The following RBFOX3 variants were observed in gnomAD, a reference collection of about 807,000 sequenced individuals.
RBFOX3 encodes the protein RNA binding fox-1 homolog 3.
In RBFOX3, 17 loss-of-function variants were observed where a neutral mutation model predicts 48.7. That is an observed-to-expected ratio of 0.35 (90% CI 0.24 to 0.52). The LOEUF (loss-of-function observed/expected upper bound fraction) is 0.52. Among genes scored for constraint, RBFOX3 ranks in the 20% least tolerant of loss-of-function variants. RBFOX3 has a pLI of 0.94. For missense variants in RBFOX3, 382 were observed against 497.5 expected (o/e 0.77, Z 2.21); for synonymous variants, 212 against 209.5 (o/e 1.01, Z -0.10).
intron 2 of RBFOX3, among the ~76,000 whole-genome samples, chr17:79,378,604 G>A (rs1161659054): frequency 6.6e-6 from 1 of 152,168 alleles, no homozygotes; most frequent in Non-Finnish European, 1.5e-5. Context: ...GAACCTCCCA[G>A]GTGCTGGGGC....
intron 2 of RBFOX3, among the ~76,000 whole-genome samples, chr17:79,458,066 G>A (rs1047779560): frequency 6.6e-6 from 1 of 151,348 alleles, no homozygotes; most frequent in African/African-American, 2.4e-5. Flanking sequence ...TTGCAGGGCG[G>A]GGGACCCGGG....
intron 4 of RBFOX3, among the ~76,000 whole-genome samples, chr17:79,176,405 G>A (rs1438300727): frequency 2.0e-5 from 3 of 152,340 alleles, no homozygotes; most frequent in South Asian, 4.1e-4. Context: ...AGGGCCCATG[G>A]CATGAGCCCA....
At chr17:79,589,297 G>T (rs1335924604) in intron 1 of RBFOX3, among the ~76,000 whole-genome samples, 2 of 53,820 alleles carry the variant, frequency 3.7e-5, no homozygotes, top group Admixed American at 1.7e-4. Flanking sequence ...TCCGCCCCAG[G>T]GCTCTCCTTG....
At chr17:79,336,035 C>G (rs1393691207) in intron 2 of RBFOX3, among the ~76,000 whole-genome samples, 1 of 152,188 alleles carries the variant, frequency 6.6e-6, no homozygotes, top group Non-Finnish European at 1.5e-5. Context: ...TTGCCATGGA[C>G]TCCAGATAGC....
intron 4 of RBFOX3, among the ~76,000 whole-genome samples, chr17:79,187,474 T>C (rs1265746304): frequency 6.6e-6 from 1 of 152,178 alleles, no homozygotes; most frequent in African/African-American, 2.4e-5. Flanking sequence ...TACATCGTGC[T>C]TTCCGCAGAG....
chr17:79,254,135 T>G lies in RBFOX3; in HGVS notation c.-73-18330A>C, dbSNP rs1424421753. ...GCAGGGAGGCAAGTTCACCACTGCATCGCTAGCACCCAGGACACAGGAGCC... is the reference window on the plus strand; with the variant it reads ...GCAGGGAGGCAAGTTCACCACTGCAGCGCTAGCACCCAGGACACAGGAGCC... On this transcript the variant is annotated intron_variant, in intron 3 of 14. Transcript: ENST00000693108. The surrounding 1 kb of genome is among the most constrained non-coding windows in gnomAD (Gnocchi z 4.8). Among the ~76,000 whole-genome samples, 1 of 152,196 alleles carries G rather than the reference T, an allele frequency of 6.6e-6. No homozygotes were observed. The highest frequency in any genetic ancestry group is 1.5e-5 in the Non-Finnish European group (1 of 68,024).
chr17:79,417,222 C>T (rs572243423), intron 2 of RBFOX3, among the ~76,000 whole-genome samples: 2 of 152,302 alleles, frequency 1.3e-5, no homozygotes, highest in South Asian at 2.1e-4. Context: ...GAAGCTTCTC[C>T]TTGCTCCCCG....
At chr17:79,650,340 G>C in the RBFOX3 span, among the ~76,000 whole-genome samples, 1 of 152,100 alleles carries the variant, frequency 6.6e-6, no homozygotes. Context: ...GGGTGGGCCA[G>C]GGACGGGGCT....
At chr17:79,172,986 A>G (rs140230470) in intron 4 of RBFOX3, among the ~76,000 whole-genome samples, 14,730 of 152,250 alleles carry the variant, frequency 0.097, 929 homozygotes, top group Non-Finnish European at 0.15. Flanking sequence ...AGGTGGGTGG[A>G]TCACCTGAGG....
At position 79,411,124 on chromosome 17, in the gene RBFOX3, G is replaced by A. The variant is rs111725260; in HGVS notation, c.-175+71330C>T. Among the ~76,000 whole-genome samples the A allele has an allele frequency of 3.6e-3, 546 of 152,200 alleles. 3 individuals carry two copies. Among genetic ancestry groups the A allele is most frequent in the African/African-American group, 0.012 (511 of 41,532 alleles). ...CTTGAGCACATTTTTTTCGTGCCCCGGCACCAGGCGCTGTGCCGACGGAGC... is the reference window on the plus strand; with the variant it reads ...CTTGAGCACATTTTTTTCGTGCCCCAGCACCAGGCGCTGTGCCGACGGAGC... On this transcript the variant is annotated intron_variant, in intron 2 of 14. Transcript: ENST00000693108.
intron 2 of RBFOX3, among the ~76,000 whole-genome samples, chr17:79,470,144 C>T (rs1729976329): frequency 6.6e-6 from 1 of 152,164 alleles, no homozygotes; most frequent in Admixed American, 6.5e-5. Flanking sequence ...GGCCCCGATC[C>T]AGACCCAAAA....
In RBFOX3 at chr17:79,392,559, G is replaced by A. The variant is rs1173455205; in HGVS notation, c.-174-84735C>T. On this transcript the variant is annotated intron_variant, in intron 2 of 14. Transcript: ENST00000693108. The surrounding 1 kb of genome is among the most constrained non-coding windows in gnomAD (Gnocchi z 5.0). ...TGCCCTTCCCACCCACTTAAGTTAGGCACCATCCCGTGACTTGCTTTGCCC... is the reference window on the plus strand; with the variant it reads ...TGCCCTTCCCACCCACTTAAGTTAGACACCATCCCGTGACTTGCTTTGCCC... 6.6e-6 allele frequency among the ~76,000 whole-genome samples: 1 copy of A among 152,118 alleles called. No individual in the cohort carries two copies.
chr17:79,547,647 G>C (rs782644769), intron 1 of RBFOX3, among the ~76,000 whole-genome samples: 1 of 152,144 alleles, frequency 6.6e-6, no homozygotes, highest in Non-Finnish European at 1.5e-5. Flanking sequence ...CACTTTCGGG[G>C]AACATCCACT....
chr17:79,269,110 G>A (rs1039229920), intron 3 of RBFOX3, among the ~76,000 whole-genome samples: 4 of 148,034 alleles, frequency 2.7e-5, no homozygotes, highest in East Asian at 2.0e-4. Context: ...GGGGAGATGC[G>A]GACACAAAAG....
intron 1 of RBFOX3, among the ~76,000 whole-genome samples, chr17:79,534,066 C>G (rs2088284840): frequency 6.6e-6 from 1 of 152,144 alleles, no homozygotes; most frequent in Non-Finnish European, 1.5e-5. Flanking sequence ...CCAAAAAATA[C>G]TAAAGGGACA....
intron 1 of RBFOX3, among the ~76,000 whole-genome samples, chr17:79,529,350 T>G (rs1046401333): frequency 6.6e-5 from 10 of 152,118 alleles, no homozygotes; most frequent in Non-Finnish European, 1.3e-4. Flanking sequence ...GAAGACAGGG[T>G]TTGAATTCCC....
In RBFOX3 at chr17:79,309,008, G is replaced by A. The variant is rs983399073; in HGVS notation, c.-174-1184C>T. Reference sequence around the variant, plus strand: ...GTGAGTCCTAGCTACCAGGGAGTCTGAGACAAGAGAATTGCTTGAACCTGG... The same window carrying A: ...GTGAGTCCTAGCTACCAGGGAGTCTAAGACAAGAGAATTGCTTGAACCTGG... On this transcript the variant is annotated intron_variant, in intron 2 of 14. Coordinates refer to ENST00000693108, the MANE Select transcript of RBFOX3 (RefSeq NM_001350451.2). Among the ~76,000 whole-genome samples, 8 of 151,716 alleles carry A rather than the reference G, an allele frequency of 5.3e-5. No individual in the cohort carries two copies. The East Asian group carries it at 1.5e-3, about 29-fold the overall frequency.
At chr17:79,321,800 G>A (rs535862487) in intron 2 of RBFOX3, among the ~76,000 whole-genome samples, 4 of 148,016 alleles carry the variant, frequency 2.7e-5, no homozygotes, top group South Asian at 2.2e-4. Context: ...CTGCCTCCCC[G>A]GTTCAAGCAA....
At chr17:79,230,511 G>A (rs1487315310) in intron 4 of RBFOX3, among the ~76,000 whole-genome samples, 10 of 151,938 alleles carry the variant, frequency 6.6e-5, no homozygotes, top group African/African-American at 9.6e-5. Flanking sequence ...CGCCCGCCTC[G>A]GCCTCCCAAA....
Sources: allele counts gnomAD v4.1 joint callset (sites outside exome capture counted in the v4.1 genomes callset), GRCh38; gene constraint gnomAD v4.1.1; non-coding constraint Gnocchi (gnomAD v3.1); transcripts MANE v1.5; gene names NCBI Gene and HGNC (gene_info 2026-07-23, HGNC 2026-07-21).